TSPEAR: variants seen among roughly 807,000 people sequenced by gnomAD.
The protein encoded by TSPEAR is thrombospondin type laminin G domain and EAR repeats, also known as thrombospondin-type laminin G domain and EAR repeat-containing protein.
In TSPEAR, 69 loss-of-function variants were observed where a neutral mutation model predicts 71.6. The observed-to-expected ratio is 0.96, with a 90% CI of 0.79 to 1.18. The LOEUF is 1.18. Among genes scored for constraint, TSPEAR ranks in the 50% most tolerant of loss-of-function variants. The pLI is 0.00. For synonymous variants in TSPEAR, 402 were observed against 387.2 expected (o/e 1.04, Z -0.45); for missense variants, 971 against 894.9 (o/e 1.09, Z -1.09).
chr21:44,704,481 G>A (rs996014939), intron 1 of TSPEAR, among the ~76,000 whole-genome samples: 3 of 152,258 alleles, frequency 2.0e-5, no homozygotes, highest in East Asian at 3.8e-4. Context: ...CCAGCTGGCG[G>A]GTAAAACCCA....
rs529306369 is a variant in TSPEAR, at chr21:44,702,471, T to C, written c.82+8962A>G. ...CCTCCCCAAGCCAGCAGTCCTGCTG[T>C]GTGCCCGTCTGCTGCAAGCCTGTCT... On this transcript the variant is annotated intron_variant, in intron 1 of 11. Coordinates refer to ENST00000323084, the MANE Select transcript of TSPEAR (RefSeq NM_144991.3). The C allele has an allele frequency of 4.9e-4, 793 of 1,609,094 alleles. 2 individuals carry two copies. The highest frequency in any genetic ancestry group is 3.5e-3 in the Middle Eastern group (21 of 6,036).
intron 1 of TSPEAR, among the ~76,000 whole-genome samples, chr21:44,617,110 C>A (rs1269076073): frequency 6.6e-6 from 1 of 152,218 alleles, no homozygotes; most frequent in Non-Finnish European, 1.5e-5. Context: ...ATGCCTCCCC[C>A]AGCTCACCTC....
At chr21:44,515,061 CCTCT>C (rs1411270940) in intron 9 of TSPEAR, among the ~76,000 whole-genome samples, 4 of 152,174 alleles carry the variant, frequency 2.6e-5, no homozygotes, top group Non-Finnish European at 5.9e-5. Context: ...AGAAAGGGCG[CCTCT>C]CTATGGCACA....
At chr21:44,646,233 T>C (rs1431064168) in intron 1 of TSPEAR, among the ~76,000 whole-genome samples, 2 of 150,420 alleles carry the variant, frequency 1.3e-5, no homozygotes, top group Admixed American at 6.6e-5. Flanking sequence ...ACATACCAGT[T>C]TAATAAGGGA....
chr21:44,649,066 CA>C (rs1555940867), intron 1 of TSPEAR, among the ~76,000 whole-genome samples: 1 of 152,236 alleles, frequency 6.6e-6, no homozygotes, highest in East Asian at 1.9e-4. Context: ...CTGCTGCCTG[CA>C]AAGGCATCCC....
chr21:44,609,237 T>G (rs113056145), intron 1 of TSPEAR, among the ~76,000 whole-genome samples: 5,003 of 152,324 alleles, frequency 0.033, 117 homozygotes, highest in Non-Finnish European at 0.052. Context: ...TCTGGTAATG[T>G]TCCACATCTT....
intron 2 of TSPEAR, among the ~76,000 whole-genome samples, chr21:44,534,391 G>A (rs416881): frequency 1.0e-5 from 1 of 98,576 alleles, no homozygotes; most frequent in Admixed American, 1.1e-4. Context: ...TGTGAGGGGT[G>A]GGGCTGGTGT....
intron 1 of TSPEAR, among the ~76,000 whole-genome samples, chr21:44,614,516 C>T (rs911548475): frequency 3.9e-5 from 6 of 152,266 alleles, no homozygotes; most frequent in African/African-American, 1.4e-4. Flanking sequence ...CCCTGGTCTG[C>T]CCTTCTCTCC....
At chr21:44,689,489 G>A (rs1403984315) in intron 1 of TSPEAR, among the ~76,000 whole-genome samples, 4 of 149,628 alleles carry the variant, frequency 2.7e-5, no homozygotes, top group Non-Finnish European at 4.4e-5. Context: ...GCGACAGAGC[G>A]AGACTCCATC....
chr21:44,506,720 GC>G lies in TSPEAR; in HGVS notation c.1755-1840del. 6.6e-6 allele frequency: 1 copy of G among 152,382 alleles called. No individual in the cohort carries two copies. The allele number at this position is 152,382 out of a possible 1,614,324, so 9.4% of individuals were successfully genotyped here. A position where few individuals can be genotyped will look rare whatever the true frequency, so the allele number is the denominator to read the frequency against. Reference sequence around the variant, plus strand: ...CTCTGGTCTGGAGGCACGGCCGCGGGCCCCGGGTCAGTGTGAATCCGCGGGG... The same window carrying G: ...CTCTGGTCTGGAGGCACGGCCGCGGGCCCGGGTCAGTGTGAATCCGCGGGG... On this transcript the variant is annotated intron_variant, in intron 10 of 11. Coordinates refer to ENST00000323084, the MANE Select transcript of TSPEAR (RefSeq NM_144991.3). This position sits in a 1 kb window ranked among gnomAD's most constrained non-coding sequence, Gnocchi z 4.2.
chr21:44,702,172 C>G, intron 1 of TSPEAR: 1 of 1,454,578 alleles, frequency 6.9e-7, no homozygotes, highest in South Asian at 1.2e-5. Flanking sequence ...GCAGAGACCA[C>G]CATCCACCCC....
At chr21:44,575,036 C>A (rs965751049) in intron 1 of TSPEAR, 25 of 1,576,554 alleles carry the variant, frequency 1.6e-5, no homozygotes, top group Non-Finnish European at 2.1e-5. Context: ...GATGGACACG[C>A]CCCCCAGTGC....
rs587638511 is a variant in TSPEAR at position 44,648,025 on chromosome 21, C to T, written c.82+63408G>A. Among the ~76,000 whole-genome samples the T allele has an allele frequency of 7.5e-4, 114 of 152,312 alleles. 1 individual carries two copies. The highest frequency in any genetic ancestry group is 3.4e-3 in the Middle Eastern group (1 of 294). On this transcript the variant is annotated intron_variant, in intron 1 of 11. Transcript: ENST00000323084. ...CTGAGAGCCCCAGGCACCGTGCTGGCCTCGTGGTGTGTGGGCCGTGGAAAA... is the reference window on the plus strand; with the variant it reads ...CTGAGAGCCCCAGGCACCGTGCTGGTCTCGTGGTGTGTGGGCCGTGGAAAA...
chr21:44,696,166 G>A (rs1323215414), intron 1 of TSPEAR, among the ~76,000 whole-genome samples: 2 of 152,116 alleles, frequency 1.3e-5, no homozygotes, highest in Non-Finnish European at 2.9e-5. Context: ...CTCTTTAGAT[G>A]GAAGGAGCTC....
chr21:44,591,478 C>G, intron 1 of TSPEAR: 1 of 1,613,964 alleles, frequency 6.2e-7, no homozygotes, highest in Non-Finnish European at 8.5e-7. Flanking sequence ...GGAGGCCGTG[C>G]GGCAGCAGCT....
intron 4 of TSPEAR, 134 bp downstream of exon 4, chr21:44,530,909 A>T (rs2052956659): frequency 2.7e-6 from 2 of 743,566 alleles, no homozygotes; most frequent in Non-Finnish European, 4.7e-6. Context: ...TGTGGTAGAG[A>T]CTCCACGCAC....
At chr21:44,601,726 A>G (rs782525242) in intron 1 of TSPEAR, 5 of 1,610,456 alleles carry the variant, frequency 3.1e-6, no homozygotes, top group Non-Finnish European at 4.2e-6. Context: ...CCAGAAGTCC[A>G]GCTGCTGAGT....
Position 44,711,314 on chromosome 21 carries a change from C to T in TSPEAR, c.82+119G>A. ...ACAGGGTGCTACCTGCCAGTCCTGCCAAAGCGTCCTCGGGCACCGCGGCTT... is the reference window on the plus strand; with the variant it reads ...ACAGGGTGCTACCTGCCAGTCCTGCTAAAGCGTCCTCGGGCACCGCGGCTT... On this transcript the variant is annotated intron_variant, in intron 1 of 11. Transcript: ENST00000323084. This position sits in a 1 kb window ranked among gnomAD's most constrained non-coding sequence, Gnocchi z 4.5. 7 of 944,712 alleles carry T rather than the reference C, an allele frequency of 7.4e-6. No individual in the cohort carries two copies. Among genetic ancestry groups the T allele is most frequent in the Non-Finnish European group, 1.1e-5 (7 of 622,258 alleles). The allele number at this position is 944,712 out of a possible 1,614,324, so 58.5% of individuals were successfully genotyped here.
intron 1 of TSPEAR, among the ~76,000 whole-genome samples, chr21:44,604,334 GAAAAC>G: frequency 6.6e-6 from 1 of 152,108 alleles, no homozygotes; most frequent in Non-Finnish European, 1.5e-5. Flanking sequence ...AATTTATAAA[GAAAAC>G]ATAAAAAGAA....
Sources: allele counts gnomAD v4.1 joint callset (sites outside exome capture counted in the v4.1 genomes callset), GRCh38; gene constraint gnomAD v4.1.1; non-coding constraint Gnocchi (gnomAD v3.1); transcripts MANE v1.5; gene names NCBI Gene and HGNC (gene_info 2026-07-23, HGNC 2026-07-21).